The following SNTG1 variants were observed in gnomAD, a reference collection of about 807,000 sequenced individuals.
SNTG1 encodes syntrophin gamma 1, also known as gamma-1-syntrophin.
In SNTG1, 39 loss-of-function variants were observed where a neutral mutation model predicts 74.7. That is an observed-to-expected ratio of 0.52 (90% CI 0.40 to 0.68). SNTG1 has a LOEUF of 0.68. Among genes scored for constraint, SNTG1 ranks in the 30% least tolerant of loss-of-function variants. The pLI, the probability that SNTG1 is intolerant of heterozygous loss-of-function variation, is 0.00. For synonymous variants in SNTG1, 254 were observed against 217.1 expected (o/e 1.17, Z -1.49); for missense variants, 685 against 609.5 (o/e 1.12, Z -1.30).
chr8:49,928,783 T>A (rs1285933853), intron 1 of SNTG1, among the ~76,000 whole-genome samples: 1 of 152,072 alleles, frequency 6.6e-6, no homozygotes, highest in African/African-American at 2.4e-5. Flanking sequence ...ATTTTTTAAA[T>A]CAGAAAATAT....
intron 3 of SNTG1, among the ~76,000 whole-genome samples, chr8:50,394,658 A>T (rs915420748): frequency 1.3e-5 from 2 of 152,262 alleles, no homozygotes; most frequent in South Asian, 4.1e-4. Context: ...TAAGTAATTC[A>T]ATATTATTTA....
At chr8:50,780,302 T>C in intron 18 of SNTG1, among the ~76,000 whole-genome samples, 1 of 152,082 alleles carries the variant, frequency 6.6e-6, no homozygotes, top group Non-Finnish European at 1.5e-5. Flanking sequence ...TTGTACCTCT[T>C]GTAGAATTCG....
At chr8:50,602,663 C>T (rs2094783465) in intron 13 of SNTG1, among the ~76,000 whole-genome samples, 1 of 152,130 alleles carries the variant, frequency 6.6e-6, no homozygotes, top group Non-Finnish European at 1.5e-5. Context: ...CGACAAACTG[C>T]TTATAGCATT....
At chr8:50,379,236 G>A (rs2092440646) in intron 2 of SNTG1, among the ~76,000 whole-genome samples, 1 of 152,182 alleles carries the variant, frequency 6.6e-6, no homozygotes, top group South Asian at 2.1e-4. Context: ...TCTGGGCTTG[G>A]CCCCGACTTT....
intron 2 of SNTG1, among the ~76,000 whole-genome samples, chr8:50,233,201 A>T (rs1425038498): frequency 6.6e-6 from 1 of 151,650 alleles, no homozygotes; most frequent in Admixed American, 6.6e-5. Flanking sequence ...GTATCAGCAG[A>T]GGGATAGATA....
intron 9 of SNTG1, among the ~76,000 whole-genome samples, chr8:50,516,000 G>A (rs1457261145): frequency 2.0e-5 from 3 of 152,212 alleles, no homozygotes; most frequent in Non-Finnish European, 1.5e-5. Context: ...CTCCTGACTG[G>A]GAGATGCCTC....
chr8:50,303,109 T>C (rs2089723712), intron 2 of SNTG1, among the ~76,000 whole-genome samples: 1 of 152,232 alleles, frequency 6.6e-6, no homozygotes, highest in Non-Finnish European at 1.5e-5. Context: ...CATATTTATG[T>C]TACTACTTTG....
chr8:50,740,101 C>G (rs1475868386), intron 17 of SNTG1, among the ~76,000 whole-genome samples: 1 of 151,950 alleles, frequency 6.6e-6, no homozygotes, highest in African/African-American at 2.4e-5. Context: ...GCAATTACAA[C>G]AAAAGCAAAG....
chr8:50,438,902 C>T (rs1227227902), intron 5 of SNTG1, among the ~76,000 whole-genome samples: 1 of 152,112 alleles, frequency 6.6e-6, no homozygotes, highest in South Asian at 2.1e-4. Context: ...TTTCTTTAAC[C>T]AACTGGAGTA....
At chr8:50,429,471 C>G (rs541424272) in intron 4 of SNTG1, among the ~76,000 whole-genome samples, 3 of 152,134 alleles carry the variant, frequency 2.0e-5, no homozygotes, top group African/African-American at 7.2e-5. Context: ...ACACCACATA[C>G]AAAAGTTAAT....
At chr8:50,780,131 C>T (rs988358283) in intron 18 of SNTG1, among the ~76,000 whole-genome samples, 17 of 152,108 alleles carry the variant, frequency 1.1e-4, no homozygotes, top group Admixed American at 1.0e-3. Context: ...ATTTTTGCAT[C>T]AATGTTCATC....
intron 2 of SNTG1, among the ~76,000 whole-genome samples, chr8:50,252,208 G>A (rs1483839980): frequency 1.3e-5 from 2 of 151,826 alleles, no homozygotes; most frequent in Non-Finnish European, 2.9e-5. Flanking sequence ...AATAACAAAA[G>A]CAGTTCTATA....
intron 4 of SNTG1, among the ~76,000 whole-genome samples, chr8:50,410,124 T>C (rs767457701): frequency 2.0e-5 from 3 of 152,242 alleles, no homozygotes; most frequent in Non-Finnish European, 2.9e-5. Context: ...GGCTTTCACA[T>C]GGGTGTGACA....
At chr8:50,716,792 G>A (rs2095476125) in intron 17 of SNTG1, among the ~76,000 whole-genome samples, 1 of 151,544 alleles carries the variant, frequency 6.6e-6, no homozygotes, top group South Asian at 2.1e-4. Context: ...GAGTGCAGTG[G>A]CGCGATCTCA....
chr8:50,603,059 A>G (rs576552589), intron 13 of SNTG1, among the ~76,000 whole-genome samples: 10 of 151,964 alleles, frequency 6.6e-5, no homozygotes, highest in Middle Eastern at 3.4e-3. Flanking sequence ...ATCTTTCTCT[A>G]TGTTTTGGAA....
At chr8:50,196,423 G>A (rs781242440) in intron 2 of SNTG1, among the ~76,000 whole-genome samples, 4 of 152,176 alleles carry the variant, frequency 2.6e-5, no homozygotes, top group African/African-American at 4.8e-5. Flanking sequence ...TAGAATATTT[G>A]TAGAAGCTGC....
intron 1 of SNTG1, among the ~76,000 whole-genome samples, chr8:50,096,487 A>G (rs1012588781): frequency 1.3e-5 from 2 of 152,196 alleles, no homozygotes; most frequent in African/African-American, 4.8e-5. Flanking sequence ...CCTTGAAGTA[A>G]ATAAAGGCTT....
intron 17 of SNTG1, among the ~76,000 whole-genome samples, chr8:50,711,056 C>T (rs2095460150): frequency 6.6e-6 from 1 of 152,104 alleles, no homozygotes; most frequent in African/African-American, 2.4e-5. Flanking sequence ...TTATGTCAGA[C>T]ATAAGGAGGA....
At chr8:50,602,897 G>GTA (rs1554585293) in intron 13 of SNTG1, among the ~76,000 whole-genome samples, 3 of 137,288 alleles carry the variant, frequency 2.2e-5, no homozygotes, top group African/African-American at 9.4e-5. Context: ...CCACTGTAAG[G>GTA]TATTTTTTTT....
Sources: allele counts gnomAD v4.1 joint callset (sites outside exome capture counted in the v4.1 genomes callset), GRCh38; gene constraint gnomAD v4.1.1; transcripts MANE v1.5; gene names NCBI Gene and HGNC (gene_info 2026-07-23, HGNC 2026-07-21).